Variants in EPYC observed in about 807,000 individuals in gnomAD.
The protein encoded by EPYC is epiphycan.
Under a neutral mutation model 30.1 loss-of-function variants are expected in EPYC, and 28 were observed. The ratio of observed to expected loss-of-function variants is 0.93; its 90% confidence interval spans 0.69 to 1.28. The LOEUF (loss-of-function observed/expected upper bound fraction) is 1.28, where lower values mean the gene tolerates loss of function less well. EPYC is among the 50% of genes most tolerant of loss of function. The pLI, the probability that EPYC is intolerant of heterozygous loss-of-function variation, is 0.00. For missense variants in EPYC, 382 were observed against 383.5 expected, an observed-to-expected ratio of 1.00 and a Z score of 0.03; for synonymous variants, 144 against 141.4, an observed-to-expected ratio of 1.02 and a Z score of -0.13.
At chr12:91,002,122 G>A (rs551090961) in intron 2 of EPYC, among the ~76,000 whole-genome samples, 5 of 143,746 alleles carry the variant, frequency 3.5e-5, no homozygotes, top group Admixed American at 1.4e-4. Context: ...CCCAGGAGGC[G>A]GAGGTTGCAG....
intron 1 of EPYC, among the ~76,000 whole-genome samples, chr12:91,003,058 C>T (rs1383521442): frequency 1.3e-5 from 2 of 151,990 alleles, no homozygotes; most frequent in African/African-American, 4.8e-5. Context: ...ACAAATAATT[C>T]CAATTTCAGT....
chr12:90,990,360 A>G (rs1247086093), intron 2 of EPYC, among the ~76,000 whole-genome samples: 1 of 152,090 alleles, frequency 6.6e-6, no homozygotes, highest in African/African-American at 2.4e-5. Flanking sequence ...CAGGGTAACT[A>G]CACACATTTT....
chr12:90,997,129 C>T (rs930845156), intron 2 of EPYC, among the ~76,000 whole-genome samples: 9 of 151,970 alleles, frequency 5.9e-5, no homozygotes, highest in African/African-American at 2.2e-4. Context: ...TCTTACACAT[C>T]CCCACAAAGA....
At position 90,978,207 on chromosome 12, in the gene EPYC, G is replaced by C. The variant is rs763311604; in HGVS notation, c.221C>G (p.Pro74Arg). The C allele has an allele frequency of 1.2e-6, 2 of 1,605,502 alleles. No homozygotes were observed. Among genetic ancestry groups the C allele is most frequent in the African/African-American group, 2.7e-5 (2 of 73,844 alleles). ...SGNRELLTPPPQPEKAQEEEE... is the reference protein window; with the variant it reads ...SGNRELLTPPRQPEKAQEEEE... ...CTCTTCCTGGGCCTTCTCAGGCTGT[G>C]GGGGTGGAGTGAGGAGCTCTCTGTT... Residue 74 changes from proline to arginine, a missense_variant, in exon 3 of 7, where the codon CCA becomes CGA. Transcript: ENST00000261172.
chr12:91,002,297 C>T lies in EPYC; in HGVS notation c.165+104G>A, dbSNP rs904855613. 2.1e-5 allele frequency: 17 copies of T among 810,808 alleles called. No individual in the cohort carries two copies. In the African/African-American group the frequency reaches 2.6e-4, roughly 12 times the overall value. The allele number at this position is 810,808 out of a possible 1,614,324, so 50.2% of individuals were successfully genotyped here. On this transcript the variant is annotated intron_variant, in intron 2 of 6. Coordinates refer to ENST00000261172, the MANE Select transcript of EPYC (RefSeq NM_004950.5). Reference sequence around the variant, plus strand: ...TAATATGAAATTATTAACATAAAATCTTTCTACTTATAAAAAAACCCAAAC... The same window carrying T: ...TAATATGAAATTATTAACATAAAATTTTTCTACTTATAAAAAAACCCAAAC...
intron 2 of EPYC, among the ~76,000 whole-genome samples, chr12:90,988,902 G>A (rs765804166): frequency 1.3e-5 from 2 of 152,036 alleles, no homozygotes; most frequent in Non-Finnish European, 2.9e-5. Context: ...CAGATTAAGG[G>A]AAGAGAACTA....
At chr12:90,991,218 A>G (rs1234269406) in intron 2 of EPYC, among the ~76,000 whole-genome samples, 2 of 152,154 alleles carry the variant, frequency 1.3e-5, no homozygotes, top group Admixed American at 6.5e-5. Context: ...ATTCATGCCT[A>G]TATGTGTACA....
chr12:90,993,610 C>G (rs1877634709), intron 2 of EPYC, among the ~76,000 whole-genome samples: 3 of 151,832 alleles, frequency 2.0e-5, no homozygotes, highest in Non-Finnish European at 4.4e-5. Context: ...TGACTCCTGG[C>G]TTTGTATTAT....
rs1341172621 is a variant in EPYC at position 90,964,112 on chromosome 12, G to C, written c.*44C>G. 2 of 1,543,686 alleles carry C rather than the reference G, an allele frequency of 1.3e-6. No homozygotes were observed. Among genetic ancestry groups the C allele is most frequent in the African/African-American group, 2.7e-5 (2 of 73,612 alleles). On this transcript the variant is annotated 3_prime_UTR_variant, in exon 7 of 7. Coordinates refer to ENST00000261172, the MANE Select transcript of EPYC (RefSeq NM_004950.5). ...TGTTTTGGAAGAGAGCAGTAAGAAT[G>C]GTTTATTTATAGTAGCCATCGTAAT...
At chr12:90,970,856 T>G (rs182129172) in intron 5 of EPYC, among the ~76,000 whole-genome samples, 366 of 152,312 alleles carry the variant, frequency 2.4e-3, no homozygotes, top group Non-Finnish European at 4.3e-3. Context: ...TACTGTGGTG[T>G]CTCTCTAAAG....
At chr12:90,996,610 G>A (rs1489012453) in intron 2 of EPYC, among the ~76,000 whole-genome samples, 3 of 151,738 alleles carry the variant, frequency 2.0e-5, no homozygotes. Flanking sequence ...AAATCTTCTA[G>A]AGTTTTAAAA....
chr12:91,000,953 C>T (rs1592633095), intron 2 of EPYC, among the ~76,000 whole-genome samples: 1 of 152,068 alleles, frequency 6.6e-6, no homozygotes, highest in East Asian at 1.9e-4. Flanking sequence ...AAATTCTCAA[C>T]AGAAAATCCT....
At position 90,969,169 on chromosome 12, in the gene EPYC, C is replaced by T. The variant is rs573850026; in HGVS notation, c.798+875G>A. Reference sequence around the variant, plus strand: ...AAGGGGAAACACAGGAATTCATGTCCAGCTCTTAAATAGCAAAATCACTTT... The same window carrying T: ...AAGGGGAAACACAGGAATTCATGTCTAGCTCTTAAATAGCAAAATCACTTT... On this transcript the variant is annotated intron_variant, in intron 6 of 6. Transcript: ENST00000261172. Among the ~76,000 whole-genome samples the T allele has an allele frequency of 5.3e-5, 8 of 151,794 alleles. No homozygotes were observed. The South Asian group carries it at 1.7e-3, about 32-fold the overall frequency.
chr12:90,968,860 G>A (rs1876963821), intron 6 of EPYC, among the ~76,000 whole-genome samples: 1 of 151,662 alleles, frequency 6.6e-6, no homozygotes, highest in South Asian at 2.1e-4. Flanking sequence ...ATCTTTATAT[G>A]CATAGAAATT....
chr12:90,983,326 G>T (rs951207101), intron 2 of EPYC, among the ~76,000 whole-genome samples: 1 of 152,008 alleles, frequency 6.6e-6, no homozygotes, highest in East Asian at 1.9e-4. Flanking sequence ...GAGTACCATT[G>T]GACCCCTTTA....
At chr12:90,976,309 A>C (rs185689247) in intron 3 of EPYC, among the ~76,000 whole-genome samples, 33 of 152,240 alleles carry the variant, frequency 2.2e-4, no homozygotes, top group African/African-American at 7.9e-4. Flanking sequence ...GAGAGAAAAA[A>C]ATGCATGAAC....
intron 2 of EPYC, among the ~76,000 whole-genome samples, chr12:90,978,859 C>G (rs150023638): frequency 5.3e-4 from 80 of 152,108 alleles, no homozygotes; most frequent in Non-Finnish European, 9.9e-4. Flanking sequence ...GACATAAAAA[C>G]TATGATTTGA....
chr12:90,980,383 A>G (rs1400144180), intron 2 of EPYC, among the ~76,000 whole-genome samples: 6 of 152,218 alleles, frequency 3.9e-5, no homozygotes, highest in East Asian at 1.9e-4. Flanking sequence ...ACATAAATGC[A>G]ATACAACTTT....
intron 2 of EPYC, among the ~76,000 whole-genome samples, chr12:90,980,050 C>T (rs532786963): frequency 1.3e-5 from 2 of 152,194 alleles, no homozygotes; most frequent in African/African-American, 4.8e-5. Flanking sequence ...GAAAGACATA[C>T]GGTTTCCATC....
Sources: gnomAD v4.1 joint callset for allele counts (sites outside exome capture counted in the v4.1 genomes callset) on GRCh38, gnomAD v4.1.1 for gene constraint, MANE v1.5 for transcripts, NCBI Gene and HGNC (gene_info 2026-07-23, HGNC 2026-07-21) for gene names.